The following OSBPL3 variants were observed in gnomAD, a reference collection of about 807,000 sequenced individuals.
The protein encoded by OSBPL3 is oxysterol binding protein like 3, also known as oxysterol-binding protein-related protein 3.
OSBPL3 carries 65 observed loss-of-function variants against 120.1 expected under a neutral mutation model. That is an observed-to-expected ratio of 0.54 (90% CI 0.44 to 0.67). The LOEUF (loss-of-function observed/expected upper bound fraction) is 0.67, where lower values mean the gene tolerates loss of function less well. Ranked by LOEUF, OSBPL3 falls within the 30% of genes least tolerant of loss-of-function variation. OSBPL3 has a pLI of 0.00. For missense variants in OSBPL3, 1,004 were observed against 1,082.1 expected, an observed-to-expected ratio of 0.93 and a Z score of 1.01; for synonymous variants, 416 against 402.6, an observed-to-expected ratio of 1.03 and a Z score of -0.40.
Position 24,916,325 on chromosome 7 carries a change from TC to T in OSBPL3, c.-149-23705del. Among the ~76,000 whole-genome samples the T allele has an allele frequency of 6.6e-6, 1 of 152,210 alleles. No homozygotes were observed. The highest frequency in any genetic ancestry group is 1.5e-5 in the Non-Finnish European group (1 of 68,026). ...ATCATTTATCTACCCATCCTTCTGTTCCTCTCTCACAGTATGTACAGAGGCA... is the reference window on the plus strand; with the variant it reads ...ATCATTTATCTACCCATCCTTCTGTTCTCTCTCACAGTATGTACAGAGGCA... On this transcript the variant is annotated intron_variant, in intron 1 of 22. Transcript: ENST00000313367. The surrounding 1 kb of genome is among the most constrained non-coding windows in gnomAD (Gnocchi z 4.9).
At position 24,900,209 on chromosome 7, in the gene OSBPL3, A is replaced by AG. The variant is rs940245465; in HGVS notation, c.-149-7589dup. On this transcript the variant is annotated intron_variant, in intron 1 of 22. Transcript: ENST00000313367. The surrounding 1 kb of genome is among the most constrained non-coding windows in gnomAD (Gnocchi z 4.5). Reference sequence around the variant, plus strand: ...GGGATCTGTTTTTCACAAGTTCTCCAGGTGACCTGAATGCACAAGTCCAAA... The same window carrying AG: ...GGGATCTGTTTTTCACAAGTTCTCCAGGGTGACCTGAATGCACAAGTCCAAA... 6.6e-6 allele frequency among the ~76,000 whole-genome samples: 1 copy of AG among 152,234 alleles called. No individual in the cohort carries two copies. The highest frequency in any genetic ancestry group is 1.5e-5 in the Non-Finnish European group (1 of 68,038).
rs1294895146 is a variant in OSBPL3, at chr7:24,813,110, C to T, written c.2172+1949G>A. Among the ~76,000 whole-genome samples, 1 of 152,142 alleles carries T rather than the reference C, an allele frequency of 6.6e-6. No individual in the cohort carries two copies. Among genetic ancestry groups the T allele is most frequent in the Non-Finnish European group, 1.5e-5 (1 of 68,026 alleles). On this transcript the variant is annotated intron_variant, in intron 19 of 22. Coordinates refer to ENST00000313367, the MANE Select transcript of OSBPL3 (RefSeq NM_015550.4). This position sits in a 1 kb window ranked among gnomAD's most constrained non-coding sequence, Gnocchi z 4.5. The stretch of plus-strand genomic sequence containing the variant: ...CCCAGGCTGGTCTCAAATTTCAGGC[C>T]TCAAGTGAGCCTCCTGCTTCAGCCT...
intron 1 of OSBPL3, among the ~76,000 whole-genome samples, chr7:24,903,120 CA>C (rs1178705140): frequency 1.3e-5 from 2 of 152,206 alleles, no homozygotes; most frequent in Non-Finnish European, 2.9e-5. Context: ...TGGCAAAAAC[CA>C]CAATGACTTG....
In OSBPL3 at chr7:24,818,949, G is replaced by T. The variant is rs1033568875; in HGVS notation, c.1948+1226C>A. On this transcript the variant is annotated intron_variant, in intron 17 of 22. Coordinates refer to ENST00000313367, the MANE Select transcript of OSBPL3 (RefSeq NM_015550.4). The surrounding 1 kb of genome is among the most constrained non-coding windows in gnomAD (Gnocchi z 4.0). ...CAAAACTACTTTGAGAAGACCCCTCGCATTAAAAAAAAATCCAACTTTTGG... is the reference window on the plus strand; with the variant it reads ...CAAAACTACTTTGAGAAGACCCCTCTCATTAAAAAAAAATCCAACTTTTGG... Among the ~76,000 whole-genome samples the T allele has an allele frequency of 6.6e-6, 1 of 151,890 alleles. No individual in the cohort carries two copies. The highest frequency in any genetic ancestry group is 2.4e-5 in the African/African-American group (1 of 41,330).
rs1799206097 is a variant in OSBPL3 at position 24,851,935 on chromosome 7, T to C, written c.1158+569A>G. Among the ~76,000 whole-genome samples the C allele has an allele frequency of 6.6e-6, 1 of 152,344 alleles. No homozygotes were observed. The highest frequency in any genetic ancestry group is 6.5e-5 in the Admixed American group (1 of 15,306). On this transcript the variant is annotated intron_variant, in intron 11 of 22. Coordinates refer to ENST00000313367, the MANE Select transcript of OSBPL3 (RefSeq NM_015550.4). This position sits in a 1 kb window ranked among gnomAD's most constrained non-coding sequence, Gnocchi z 4.1. ...AGTGATTGCCTGACAGGCACTTTCA[T>C]GTGACTCATCTCTTTGTAGCCACAG...
At chr7:24,906,268 G>T in intron 1 of OSBPL3, 1 of 265,214 alleles carries the variant, frequency 3.8e-6, no homozygotes. Context: ...ATCATCCCAG[G>T]AGGAGGAGAA....
intron 1 of OSBPL3, among the ~76,000 whole-genome samples, chr7:24,960,180 C>T (rs933271823): frequency 4.6e-5 from 7 of 151,974 alleles, no homozygotes; most frequent in African/African-American, 1.7e-4. Flanking sequence ...TGTGAGAGTA[C>T]CACAGGAGGA....
At chr7:24,935,811 T>C (rs1326343642) in intron 1 of OSBPL3, among the ~76,000 whole-genome samples, 2 of 152,120 alleles carry the variant, frequency 1.3e-5, no homozygotes, top group African/African-American at 2.4e-5. Flanking sequence ...GCAATGAGTA[T>C]GAGTTGCTTT....
intron 10 of OSBPL3, among the ~76,000 whole-genome samples, chr7:24,858,608 G>A (rs189429380): frequency 2.6e-5 from 4 of 152,368 alleles, no homozygotes; most frequent in Admixed American, 2.6e-4. Context: ...TAAGCCCACA[G>A]GGCTCAGGCA....
In OSBPL3 at chr7:24,859,214, T is replaced by C. The variant is rs532574702; in HGVS notation, c.1027+2399A>G. 5.9e-5 allele frequency among the ~76,000 whole-genome samples: 9 copies of C among 152,220 alleles called. No individual in the cohort carries two copies. The East Asian group carries it at 1.7e-3, about 29-fold the overall frequency. ...GGGAAGAGAGAGCTGAAGGAATCAGTAATGTACGAAACAAAAATACGAAGT... is the reference window on the plus strand; with the variant it reads ...GGGAAGAGAGAGCTGAAGGAATCAGCAATGTACGAAACAAAAATACGAAGT... On this transcript the variant is annotated intron_variant, in intron 10 of 22. Coordinates refer to ENST00000313367, the MANE Select transcript of OSBPL3 (RefSeq NM_015550.4).
chr7:24,859,177 T>C (rs563672616), intron 10 of OSBPL3, among the ~76,000 whole-genome samples: 1 of 152,156 alleles, frequency 6.6e-6, no homozygotes, highest in East Asian at 1.9e-4. Context: ...ATGTTTTAAA[T>C]TTAGAGGGTA....
chr7:24,802,731 A>C lies in OSBPL3; in HGVS notation c.2567+1584T>G, dbSNP rs775367954. ...GTAATGAACATCTTCATAATTGTAC[A>C]TTTTTCTTTTTTTAAAAAATGAAAA... On this transcript the variant is annotated intron_variant, in intron 22 of 22. Coordinates refer to ENST00000313367, the MANE Select transcript of OSBPL3 (RefSeq NM_015550.4). The surrounding 1 kb of genome is among the most constrained non-coding windows in gnomAD (Gnocchi z 4.1). 6.6e-6 allele frequency among the ~76,000 whole-genome samples: 1 copy of C among 152,156 alleles called. No homozygotes were observed. The highest frequency in any genetic ancestry group is 6.5e-5 in the Admixed American group (1 of 15,282).
In OSBPL3 at chr7:24,871,610, C is replaced by G. The variant is rs954050096; in HGVS notation, c.267+132G>C. ...GCCTGCCTGGAACCCAGAGCTCAGA[C>G]AGAAGTGTTTCCCCTCTATGGTTTC... is the stretch of plus-strand genomic sequence containing the variant. On this transcript the variant is annotated intron_variant, in intron 4 of 22. Transcript: ENST00000313367. The surrounding 1 kb of genome is among the most constrained non-coding windows in gnomAD (Gnocchi z 4.8). 9 of 699,018 alleles carry G rather than the reference C, an allele frequency of 1.3e-5. No individual in the cohort carries two copies. Among genetic ancestry groups the G allele is most frequent in the African/African-American group, 5.4e-5 (3 of 55,336 alleles). The allele number at this position is 699,018 out of a possible 1,614,324, so 43.3% of individuals were successfully genotyped here.
rs112057653 is a variant in OSBPL3, at chr7:24,920,196, G to A, written c.-149-27575C>T. ...TCTACATGAAATCTTATTCAGGAAC[G>A]TTCATAGTAGCATTATTTATAATAG... On this transcript the variant is annotated intron_variant, in intron 1 of 22. Transcript: ENST00000313367. 5.3e-3 allele frequency among the ~76,000 whole-genome samples: 814 copies of A among 152,154 alleles called. 9 individuals carry two copies. The highest frequency in any genetic ancestry group is 0.018 in the African/African-American group (765 of 41,512).
chr7:24,823,185 C>A (rs1209045040), intron 16 of OSBPL3, among the ~76,000 whole-genome samples: 1 of 152,128 alleles, frequency 6.6e-6, no homozygotes, highest in Non-Finnish European at 1.5e-5. Flanking sequence ...CTTTTCAGTC[C>A]CTTCAGCCTC....
chr7:24,839,279 G>C (rs1455801343), intron 14 of OSBPL3, among the ~76,000 whole-genome samples: 3 of 152,180 alleles, frequency 2.0e-5, no homozygotes, highest in African/African-American at 4.8e-5. Context: ...GATGCTACGA[G>C]GACCCATGCA....
chr7:24,971,071 G>T (rs753691065), intron 1 of OSBPL3, among the ~76,000 whole-genome samples: 1 of 152,244 alleles, frequency 6.6e-6, no homozygotes, highest in Non-Finnish European at 1.5e-5. Context: ...ACCCTGTCCA[G>T]CTCAAAGAGG....
intron 12 of OSBPL3, among the ~76,000 whole-genome samples, chr7:24,848,733 A>T (rs879722547): frequency 2.6e-5 from 4 of 152,184 alleles, no homozygotes; most frequent in Admixed American, 6.5e-5. Flanking sequence ...AGGTTTCTTC[A>T]GTAGTAACAA....
At chr7:24,945,613 G>A (rs769444949) in intron 1 of OSBPL3, among the ~76,000 whole-genome samples, 56 of 152,192 alleles carry the variant, frequency 3.7e-4, no homozygotes, top group African/African-American at 1.3e-3. Flanking sequence ...ACTCTGATAC[G>A]GTGAAATGAT....
Sources: allele counts gnomAD v4.1 joint callset (sites outside exome capture counted in the v4.1 genomes callset), GRCh38; gene constraint gnomAD v4.1.1; non-coding constraint Gnocchi (gnomAD v3.1); transcripts MANE v1.5; gene names NCBI Gene and HGNC (gene_info 2026-07-23, HGNC 2026-07-21).